The following ZNF536 variants were observed in gnomAD, a reference collection of about 807,000 sequenced individuals.
ZNF536 encodes the protein zinc finger protein 536.
ZNF536 carries 13 observed loss-of-function variants against 84.5 expected under a neutral mutation model. The ratio of observed to expected loss-of-function variants is 0.15; its 90% confidence interval spans 0.10 to 0.24. The LOEUF (loss-of-function observed/expected upper bound fraction) is 0.24, where lower values mean the gene tolerates loss of function less well. ZNF536 is among the 10% of genes least tolerant of loss of function. The pLI, the probability that ZNF536 is intolerant of heterozygous loss-of-function variation, is 1.00. For missense variants in ZNF536, 1,536 were observed against 1,747.5 expected, an observed-to-expected ratio of 0.88 and a Z score of 2.16; for synonymous variants, 811 against 742.5, an observed-to-expected ratio of 1.09 and a Z score of -1.50.
intron 2 of ZNF536, among the ~76,000 whole-genome samples, chr19:30,511,914 C>T (rs1468389461): frequency 6.6e-6 from 1 of 152,110 alleles, no homozygotes; most frequent in African/African-American, 2.4e-5. Flanking sequence ...CCCTAATTTT[C>T]ATAACATAGA....
At chr19:30,689,211 G>A (rs1456389411) in intron 1 of ZNF536, among the ~76,000 whole-genome samples, 1 of 152,200 alleles carries the variant, frequency 6.6e-6, no homozygotes, top group Non-Finnish European at 1.5e-5. Flanking sequence ...AGAACAAAAT[G>A]TTCTCCTTCC....
chr19:30,579,582 C>T (rs1022438808), intron 1 of ZNF536, among the ~76,000 whole-genome samples: 1 of 152,094 alleles, frequency 6.6e-6, no homozygotes, highest in Non-Finnish European at 1.5e-5. Context: ...GCAAAGTTAC[C>T]ATCAATCATC....
chr19:30,664,885 C>G (rs913329103), intron 1 of ZNF536, among the ~76,000 whole-genome samples: 1 of 152,138 alleles, frequency 6.6e-6, no homozygotes, highest in Non-Finnish European at 1.5e-5. Flanking sequence ...TTCTTTAGCC[C>G]GGCAACTTTT....
At chr19:30,551,116 AT>A (rs1427254231) in intron 4 of ZNF536, among the ~76,000 whole-genome samples, 1 of 116,884 alleles carries the variant, frequency 8.6e-6, no homozygotes, top group African/African-American at 3.2e-5. Context: ...TTTCTTTTTT[AT>A]TGTTGTTTAG....
At chr19:30,236,403 T>C (rs542792805) in intron 1 of ZNF536, among the ~76,000 whole-genome samples, 1 of 152,150 alleles carries the variant, frequency 6.6e-6, no homozygotes, top group Non-Finnish European at 1.5e-5. Flanking sequence ...TTATTTTCCG[T>C]GTGATTTTTG....
intron 1 of ZNF536, among the ~76,000 whole-genome samples, chr19:30,398,052 G>T (rs1402432063): frequency 6.6e-6 from 1 of 152,200 alleles, no homozygotes; most frequent in Non-Finnish European, 1.5e-5. Context: ...AAGATAGTAT[G>T]GAGAGGTCTT....
rs1442964951 is a variant in ZNF536 at position 30,228,987 on chromosome 19, G to T, written c.-190+314G>T. Among the ~76,000 whole-genome samples, 1 of 151,894 alleles carries T rather than the reference G, an allele frequency of 6.6e-6. No individual in the cohort carries two copies. The highest frequency in any genetic ancestry group is 1.5e-5 in the Non-Finnish European group (1 of 67,940). On this transcript the variant is annotated intron_variant, in intron 1 of 5. Transcript: ENST00000585628. The surrounding 1 kb of genome is among the most constrained non-coding windows in gnomAD (Gnocchi z 4.5). ...TGGGCATCTTGCCTGGGTCGGGGGC[G>T]GGCAGTCGGTCCCAGTGGCCGCCGC...
At chr19:30,448,247 C>T (rs1031655588) in intron 2 of ZNF536, among the ~76,000 whole-genome samples, 1 of 152,138 alleles carries the variant, frequency 6.6e-6, no homozygotes, top group Non-Finnish European at 1.5e-5. Flanking sequence ...AATATACAAC[C>T]CGAATCAGCT....
chr19:30,460,565 CCA>C (rs2053087045), intron 2 of ZNF536, among the ~76,000 whole-genome samples: 1 of 152,178 alleles, frequency 6.6e-6, no homozygotes, highest in African/African-American at 2.4e-5. Context: ...CTCCAGGAGT[CCA>C]TTCCTGCCTG....
rs537881949 is a variant in ZNF536 at position 30,309,398 on chromosome 19, G to A, written c.-120+25257G>A. Among the ~76,000 whole-genome samples the A allele has an allele frequency of 3.9e-5, 6 of 152,362 alleles. 1 individual carries two copies. The South Asian group carries it at 1.0e-3, about 26-fold the overall frequency. On this transcript the variant is annotated intron_variant, in intron 2 of 5. Transcript: ENST00000585628. ...AGTATGTAGGTCACATTACTGTGCT[G>A]TCTGGTTATTGGACGTTGCCTCAGA...
chr19:30,265,455 G>T (rs2025461361), intron 1 of ZNF536, among the ~76,000 whole-genome samples: 1 of 152,164 alleles, frequency 6.6e-6, no homozygotes, highest in South Asian at 2.1e-4. Context: ...TCCTGGTTTA[G>T]AGACATCTGC....
At chr19:30,561,323 G>A (rs142596797), downstream of ZNF536, among the ~76,000 whole-genome samples, 595 of 152,272 alleles carry the variant, frequency 3.9e-3, 3 homozygotes, top group African/African-American at 0.014. Context: ...CCCTGCACCT[G>A]GGGAAGGGCT....
At chr19:30,510,949 G>T (rs2055387745) in intron 2 of ZNF536, among the ~76,000 whole-genome samples, 1 of 152,212 alleles carries the variant, frequency 6.6e-6, no homozygotes. Flanking sequence ...CAGGCGTAGA[G>T]TGGGGATGGA....
At chr19:30,462,790 A>T (rs1187733447) in intron 2 of ZNF536, among the ~76,000 whole-genome samples, 1 of 148,512 alleles carries the variant, frequency 6.7e-6, no homozygotes, top group East Asian at 2.0e-4. Flanking sequence ...GTGTGTTGGG[A>T]TGCATGTATC....
chr19:30,285,947 G>A (rs1251643610), intron 2 of ZNF536, among the ~76,000 whole-genome samples: 1 of 152,206 alleles, frequency 6.6e-6, no homozygotes, highest in Non-Finnish European at 1.5e-5. Context: ...GCATGTCGGG[G>A]AATTCCTGTC....
chr19:30,600,958 C>G (rs1194113362), intron 1 of ZNF536, among the ~76,000 whole-genome samples: 1 of 152,166 alleles, frequency 6.6e-6, no homozygotes, highest in Non-Finnish European at 1.5e-5. Flanking sequence ...AATTGAGCAA[C>G]TACTTTCTGA....
chr19:30,656,244 T>C (rs2147512431), intron 1 of ZNF536, among the ~76,000 whole-genome samples: 1 of 152,292 alleles, frequency 6.6e-6, no homozygotes, highest in South Asian at 2.1e-4. Context: ...ACTTAGAATA[T>C]AACAGCTGTG....
At chr19:30,231,256 G>A (rs943122637) in intron 1 of ZNF536, among the ~76,000 whole-genome samples, 1 of 152,220 alleles carries the variant, frequency 6.6e-6, no homozygotes. Flanking sequence ...CCTAGGGCAG[G>A]CCAGTGCTCA....
Position 30,557,395 on chromosome 19 carries a change from T to A in ZNF536, c.*231T>A. 1 of 415,586 alleles carries A rather than the reference T, an allele frequency of 2.4e-6. No individual in the cohort carries two copies. The highest frequency in any genetic ancestry group is 4.3e-6 in the Non-Finnish European group (1 of 232,428). The allele number at this position is 415,586 out of a possible 1,614,324, so 25.7% of individuals were successfully genotyped here. A position where few individuals can be genotyped will look rare whatever the true frequency, so the allele number is the denominator to read the frequency against. On this transcript the variant is annotated 3_prime_UTR_variant, in exon 5 of 5. Coordinates refer to ENST00000355537, the MANE Select transcript of ZNF536 (RefSeq NM_014717.3). ...ATTACCCCATATGTTCCAGTATTAG[T>A]CATGGATTGCAAAGGCTTAGTAACT...
Sources: gnomAD v4.1 joint callset for allele counts (sites outside exome capture counted in the v4.1 genomes callset) on GRCh38, gnomAD v4.1.1 for gene constraint, Gnocchi (gnomAD v3.1) non-coding constraint, MANE v1.5 for transcripts, NCBI Gene and HGNC (gene_info 2026-07-23, HGNC 2026-07-21) for gene names.